ANK2: variants seen among roughly 807,000 people sequenced by gnomAD.
ANK2 encodes ankyrin 2.
ANK2 carries 83 observed loss-of-function variants against 360.5 expected under a neutral mutation model. The ratio of observed to expected loss-of-function variants is 0.23; its 90% CI spans 0.19 to 0.28. The LOEUF (loss-of-function observed/expected upper bound fraction) is 0.28. Ranked by LOEUF, ANK2 falls within the 10% of genes least tolerant of loss-of-function variation. The pLI, the probability that ANK2 is intolerant of heterozygous loss-of-function variation, is 1.00. For missense variants in ANK2, 4,201 were observed against 4,795.7 expected (o/e 0.88, Z 3.66); for synonymous variants, 1,740 against 1,759.5 (o/e 0.99, Z 0.28).
intron 2 of ANK2, among the ~76,000 whole-genome samples, chr4:112,958,127 A>AGG (rs1025841435): frequency 6.6e-6 from 1 of 150,684 alleles, no homozygotes; most frequent in African/African-American, 2.5e-5. Flanking sequence ...AGCCAGGCAG[A>AGG]GGGGCTCCTC....
intron 41 of ANK2, 36 bp from the exon 42 acceptor site, chr4:113,367,530 A>G: frequency 1.2e-6 from 2 of 1,601,120 alleles, no homozygotes; most frequent in Non-Finnish European, 1.7e-6. Flanking sequence ...AATATAGGTA[A>G]GCTTCAACTA....
intron 1 of ANK2, among the ~76,000 whole-genome samples, chr4:113,143,110 G>C (rs1310702999): frequency 6.6e-6 from 1 of 152,076 alleles, no homozygotes; most frequent in East Asian, 1.9e-4. Context: ...TCACAAACAT[G>C]TAATACTAGT....
At chr4:113,101,429 T>G (rs996418679) in intron 1 of ANK2, among the ~76,000 whole-genome samples, 2 of 152,168 alleles carry the variant, frequency 1.3e-5, no homozygotes, top group Non-Finnish European at 2.9e-5. Context: ...TCCCAAGGGA[T>G]GTGTCAAATT....
At chr4:113,151,583 G>A (rs1333875034) in intron 1 of ANK2, among the ~76,000 whole-genome samples, 3 of 152,034 alleles carry the variant, frequency 2.0e-5, no homozygotes, top group Non-Finnish European at 4.4e-5. Flanking sequence ...CCTTTTATTA[G>A]GCTCTGCCTC....
chr4:113,096,878 C>A (rs2091277372), intron 1 of ANK2, among the ~76,000 whole-genome samples: 1 of 151,882 alleles, frequency 6.6e-6, no homozygotes. Flanking sequence ...CCAGTCCACA[C>A]AATTTGTCTA....
At chr4:113,189,239 C>T (rs1481189489) in intron 2 of ANK2, among the ~76,000 whole-genome samples, 2 of 152,114 alleles carry the variant, frequency 1.3e-5, no homozygotes, top group Non-Finnish European at 2.9e-5. Context: ...TGATGGAAAA[C>T]AGAGTACCAG....
At chr4:112,906,186 A>T (rs1051651552) in intron 2 of ANK2, among the ~76,000 whole-genome samples, 4 of 152,198 alleles carry the variant, frequency 2.6e-5, no homozygotes, top group Non-Finnish European at 5.9e-5. Context: ...GGGAAGAATA[A>T]TGATTTGGTA....
intron 1 of ANK2, among the ~76,000 whole-genome samples, chr4:112,844,464 T>C (rs2062847974): frequency 6.6e-6 from 1 of 152,218 alleles, no homozygotes; most frequent in Non-Finnish European, 1.5e-5. Context: ...GGCTTTTCCT[T>C]TATCAGGAAC....
chr4:113,052,641 A>G (rs2154326895), intron 1 of ANK2, among the ~76,000 whole-genome samples: 1 of 152,278 alleles, frequency 6.6e-6, no homozygotes, highest in South Asian at 2.1e-4. Context: ...AGCTTTACTT[A>G]AGGTTGTCTA....
At chr4:113,044,848 A>G (rs548472930), upstream of ANK2, among the ~76,000 whole-genome samples, 7 of 152,234 alleles carry the variant, frequency 4.6e-5, no homozygotes, top group East Asian at 7.8e-4. Flanking sequence ...GGGCTTGAAC[A>G]TATCTTTTAG....
At chr4:112,750,348 G>A in the ANK2 span, among the ~76,000 whole-genome samples, 1 of 152,050 alleles carries the variant, frequency 6.6e-6, no homozygotes, top group African/African-American at 2.4e-5. Flanking sequence ...GCGACAGAGT[G>A]AGAGCCTGTC....
chr4:113,241,996 CTG>C, intron 8 of ANK2, 113 bp from the exon 9 acceptor site: 1 of 794,098 alleles, frequency 1.3e-6, no homozygotes, highest in Non-Finnish European at 2.2e-6. Flanking sequence ...AGAGTAGAAA[CTG>C]TGGATCAAAT....
intron 1 of ANK2, among the ~76,000 whole-genome samples, chr4:112,838,054 C>A (rs1170276053): frequency 6.6e-6 from 1 of 152,084 alleles, no homozygotes; most frequent in Non-Finnish European, 1.5e-5. Flanking sequence ...GTGTCCCCAC[C>A]CAAATCTCAT....
At position 113,305,737 on chromosome 4, in the gene ANK2, CG is replaced by C. The variant is rs1223585554; in HGVS notation, c.2548+2899del. On this transcript the variant is annotated intron_variant, in intron 23 of 45. Transcript: ENST00000357077. Reference sequence around the variant, plus strand: ...TTTTTATGAAACCTGCTATCATCCACGTGGACACAATGCAGCCACATGTATT... The same window carrying C: ...TTTTTATGAAACCTGCTATCATCCACTGGACACAATGCAGCCACATGTATT... Among the ~76,000 whole-genome samples the C allele has an allele frequency of 5.3e-5, 8 of 152,300 alleles. No individual in the cohort carries two copies. The South Asian group carries it at 6.2e-4, about 12-fold the overall frequency.
At chr4:112,726,425 A>C in the ANK2 span, among the ~76,000 whole-genome samples, 3 of 152,084 alleles carry the variant, frequency 2.0e-5, no homozygotes, top group African/African-American at 7.2e-5. Flanking sequence ...TACCTCTCTA[A>C]GTTAGATGAA....
At chr4:113,352,032 A>G (rs968017690) in intron 37 of ANK2, among the ~76,000 whole-genome samples, 18 of 152,202 alleles carry the variant, frequency 1.2e-4, no homozygotes, top group African/African-American at 3.9e-4. Context: ...CAGCTTATGC[A>G]TGGACTCATA....
the ANK2 span, among the ~76,000 whole-genome samples, chr4:112,721,715 TGTGAATCCTGAAATGAAA>T: frequency 6.6e-6 from 1 of 152,098 alleles, no homozygotes; most frequent in African/African-American, 2.4e-5. Flanking sequence ...ATAATGAAAT[TGTGAATCCTGAAATGAAA>T]GTGCCAGGAT....
chr4:112,977,284 C>T (rs2154269344), intron 2 of ANK2, among the ~76,000 whole-genome samples: 1 of 152,120 alleles, frequency 6.6e-6, no homozygotes, highest in South Asian at 2.1e-4. Flanking sequence ...TACCTTTCTT[C>T]TTTAAATAAT....
In ANK2 at chr4:113,334,516, A is replaced by C. The variant is rs145828953; in HGVS notation, c.3379+1308A>C. ...AAATGAGCTTTTTACATGGGTATTAATAGAAAGTTAATAGATTAATTAATC... is the reference window on the plus strand; with the variant it reads ...AAATGAGCTTTTTACATGGGTATTACTAGAAAGTTAATAGATTAATTAATC... On this transcript the variant is annotated intron_variant, in intron 29 of 45. Transcript: ENST00000357077. Among the ~76,000 whole-genome samples, 930 of 150,820 alleles carry C rather than the reference A, an allele frequency of 6.2e-3. 15 individuals are homozygous for C. The highest frequency in any genetic ancestry group is 0.021 in the African/African-American group (857 of 40,606).
Sources: allele counts gnomAD v4.1 joint callset (sites outside exome capture counted in the v4.1 genomes callset), GRCh38; gene constraint gnomAD v4.1.1; transcripts MANE v1.5; gene names NCBI Gene and HGNC (gene_info 2026-07-23, HGNC 2026-07-21).